The following CCDC7 variants were observed in gnomAD, a reference collection of about 807,000 sequenced individuals.
The protein encoded by CCDC7 is coiled-coil domain-containing protein 7.
A neutral mutation model predicts 196.9 loss-of-function variants in CCDC7; 183 were observed. The ratio of observed to expected loss-of-function variants is 0.93; its 90% CI spans 0.82 to 1.05. The LOEUF is 1.05. CCDC7 is among the 50% of genes least tolerant of loss of function. The pLI, the probability that CCDC7 is intolerant of heterozygous loss-of-function variation, is 0.00. For missense variants in CCDC7, 1,540 were observed against 1,482.2 expected (o/e 1.04, Z -0.64); for synonymous variants, 525 against 484.6 (o/e 1.08, Z -1.10).
chr10:32,453,089 A>G (rs956787111), intron 1 of CCDC7, among the ~76,000 whole-genome samples: 2 of 152,130 alleles, frequency 1.3e-5, no homozygotes, highest in African/African-American at 2.4e-5. Context: ...CCGTTTTAAG[A>G]TAGCTATCAA....
At chr10:32,674,719 G>A (rs1482794842) in intron 21 of CCDC7, among the ~76,000 whole-genome samples, 10 of 151,890 alleles carry the variant, frequency 6.6e-5, no homozygotes, top group Non-Finnish European at 1.3e-4. Flanking sequence ...CTTTTCTTAT[G>A]TATTTATGTG....
At chr10:32,641,440 G>C (rs143627619) in intron 20 of CCDC7, among the ~76,000 whole-genome samples, 1 of 151,968 alleles carries the variant, frequency 6.6e-6, no homozygotes, top group African/African-American at 2.4e-5. Flanking sequence ...CTAGTTGATC[G>C]AATCGGCTAC....
At chr10:32,814,255 G>C in intron 30 of CCDC7, 115 bp from the exon 32 acceptor site, 1 of 767,106 alleles carries the variant, frequency 1.3e-6, no homozygotes, top group South Asian at 1.6e-5. Context: ...ACCGTGCCCA[G>C]CCACAAATAT....
chr10:32,573,967 G>A (rs780063773), intron 16 of CCDC7, among the ~76,000 whole-genome samples: 3 of 152,114 alleles, frequency 2.0e-5, no homozygotes, highest in Non-Finnish European at 4.4e-5. Flanking sequence ...TAATGCAGAC[G>A]TTGCATTCTA....
chr10:32,620,787 A>G (rs2063329034), intron 18 of CCDC7, among the ~76,000 whole-genome samples: 1 of 152,160 alleles, frequency 6.6e-6, no homozygotes, highest in Non-Finnish European at 1.5e-5. Flanking sequence ...GAATTTTATC[A>G]CCATATGATA....
intron 18 of CCDC7, among the ~76,000 whole-genome samples, chr10:32,631,417 A>G (rs569392470): frequency 1.3e-5 from 2 of 152,166 alleles, no homozygotes; most frequent in African/African-American, 4.8e-5. Context: ...TTTTCTCCCC[A>G]CTGAATTTTC....
At position 32,707,669 on chromosome 10, in the gene CCDC7, C is replaced by G. The variant is rs868789653; in HGVS notation, c.2459-3951C>G. Among the ~76,000 whole-genome samples, 3 of 152,042 alleles carry G rather than the reference C, an allele frequency of 2.0e-5. No individual in the cohort carries two copies. In the South Asian group the frequency reaches 6.2e-4, roughly 32 times the overall value. On this transcript the variant is annotated intron_variant, in intron 24 of 41. Coordinates refer to ENST00000639629, the Ensembl canonical transcript of CCDC7. Reference sequence around the variant, plus strand: ...TGCAAAAATCACAAACGTTCCTACACACCAATAACAGACAAACAGAGAGCC... The same window carrying G: ...TGCAAAAATCACAAACGTTCCTACAGACCAATAACAGACAAACAGAGAGCC...
intron 13 of CCDC7, among the ~76,000 whole-genome samples, chr10:32,557,173 A>G (rs1267666743): frequency 6.6e-6 from 1 of 151,244 alleles, no homozygotes; most frequent in East Asian, 1.9e-4. Context: ...TATTTTTTCT[A>G]TTTTTGCTTG....
intron 29 of CCDC7, among the ~76,000 whole-genome samples, chr10:32,783,872 T>G (rs1234461969): frequency 6.6e-6 from 1 of 152,224 alleles, no homozygotes; most frequent in Admixed American, 6.5e-5. Flanking sequence ...AATATTATGG[T>G]AAGTGAAATA....
chr10:32,869,911 T>C (rs1449415612), intron 41 of CCDC7, among the ~76,000 whole-genome samples: 9 of 151,490 alleles, frequency 5.9e-5, no homozygotes, highest in Admixed American at 1.3e-4. Context: ...GTTGTAGATA[T>C]GTAGCATTAT....
intron 23 of CCDC7, among the ~76,000 whole-genome samples, chr10:32,694,453 C>G (rs2077455454): frequency 6.6e-6 from 1 of 152,186 alleles, no homozygotes. Flanking sequence ...AAGATTCTAT[C>G]AATGACATTA....
At chr10:32,659,859 C>G (rs1033406925) in intron 20 of CCDC7, among the ~76,000 whole-genome samples, 2 of 152,178 alleles carry the variant, frequency 1.3e-5, no homozygotes, top group Non-Finnish European at 2.9e-5. Flanking sequence ...AAAAGGAACA[C>G]TTATACACAG....
intron 16 of CCDC7, among the ~76,000 whole-genome samples, chr10:32,574,094 G>A (rs770705297): frequency 1.2e-4 from 18 of 152,078 alleles, no homozygotes; most frequent in Non-Finnish European, 2.1e-4. Context: ...ACAGGGAAAT[G>A]TGAGGAAAGG....
intron 28 of CCDC7, among the ~76,000 whole-genome samples, chr10:32,768,870 T>C (rs1421535962): frequency 6.6e-6 from 1 of 152,200 alleles, no homozygotes; most frequent in Non-Finnish European, 1.5e-5. Context: ...TAAACCCCAC[T>C]TAATCATGGT....
At chr10:32,827,050 G>A (rs2091233507) in intron 32 of CCDC7, among the ~76,000 whole-genome samples, 1 of 152,212 alleles carries the variant, frequency 6.6e-6, no homozygotes, top group Admixed American at 6.5e-5. Flanking sequence ...CCATGTGAGT[G>A]CTCACCAATG....
At chr10:32,596,648 A>C (rs1229898345) in intron 18 of CCDC7, among the ~76,000 whole-genome samples, 1 of 152,130 alleles carries the variant, frequency 6.6e-6, no homozygotes, top group Non-Finnish European at 1.5e-5. Flanking sequence ...ACAATTTGGC[A>C]TGTTTTTGCA....
intron 18 of CCDC7, among the ~76,000 whole-genome samples, chr10:32,624,334 C>A (rs2063736340): frequency 6.6e-6 from 1 of 152,180 alleles, no homozygotes; most frequent in African/African-American, 2.4e-5. Flanking sequence ...TTCTCTCCAA[C>A]CACTTTCCAA....
At chr10:32,507,210 C>T (rs1405565491) in intron 9 of CCDC7, among the ~76,000 whole-genome samples, 3 of 152,000 alleles carry the variant, frequency 2.0e-5, no homozygotes, top group African/African-American at 7.2e-5. Context: ...CCAAGATGGT[C>T]TCGATCTCTT....
At chr10:32,878,924 G>T (rs1432989643), downstream of CCDC7, among the ~76,000 whole-genome samples, 3 of 152,104 alleles carry the variant, frequency 2.0e-5, no homozygotes, top group African/African-American at 7.2e-5. Context: ...ATCAACAAAT[G>T]CTGTCCAGAA....
Sources: allele counts gnomAD v4.1 joint callset (sites outside exome capture counted in the v4.1 genomes callset), GRCh38; gene constraint gnomAD v4.1.1; transcripts MANE v1.5; gene names NCBI Gene and HGNC (gene_info 2026-07-23, HGNC 2026-07-21).